The following LCP2 variants were observed in gnomAD, a reference collection of about 807,000 sequenced individuals.
The protein encoded by LCP2 is 76 kDa tyrosine phosphoprotein.
LCP2 carries 29 observed loss-of-function variants against 74.5 expected under a neutral mutation model. The observed-to-expected ratio is 0.39, with a 90% confidence interval of 0.29 to 0.53. The LOEUF (loss-of-function observed/expected upper bound fraction) is 0.53, where lower values mean the gene tolerates loss of function less well. Ranked by LOEUF, LCP2 falls within the 20% of genes least tolerant of loss-of-function variation. LCP2 has a pLI of 0.72. For missense variants in LCP2, 604 were observed against 634.6 expected (o/e 0.95, Z 0.52); for synonymous variants, 228 against 229.5 (o/e 0.99, Z 0.06).
intron 3 of LCP2, among the ~76,000 whole-genome samples, chr5:170,277,427 C>A (rs1161073442): frequency 5.3e-5 from 8 of 152,156 alleles, no homozygotes; most frequent in Non-Finnish European, 4.4e-5. Context: ...ACCTCCCCTG[C>A]CCCTCAACTC....
intron 3 of LCP2, among the ~76,000 whole-genome samples, chr5:170,285,917 C>T (rs1762175937): frequency 6.6e-6 from 1 of 152,210 alleles, no homozygotes; most frequent in Admixed American, 6.5e-5. Context: ...AGTCGTCCAC[C>T]AGACCCAGCA....
chr5:170,259,487 G>A (rs988791078), intron 14 of LCP2, among the ~76,000 whole-genome samples: 11 of 152,180 alleles, frequency 7.2e-5, no homozygotes, highest in African/African-American at 2.2e-4. Context: ...ACAAGGGAGG[G>A]GCTATTTTCT....
chr5:170,256,631 AG>A lies in LCP2; in HGVS notation c.1101-57del. ...TTGGATTGGGGTGATGGGGCCAGAC[AG>A]GGGAGCTGGGTTAGGGAAGCCAGGC... On this transcript the variant is annotated intron_variant, in intron 16 of 20. Transcript: ENST00000046794. The surrounding 1 kb of genome is among the most constrained non-coding windows in gnomAD (Gnocchi z 4.5). 3 of 1,293,002 alleles carry A rather than the reference AG, an allele frequency of 2.3e-6. No individual in the cohort carries two copies. Among genetic ancestry groups the A allele is most frequent in the Non-Finnish European group, 3.4e-6 (3 of 888,072 alleles). 80.1% of individuals were successfully genotyped at this position (1,293,002 alleles called of 1,614,324 possible).
At chr5:170,263,779 G>C (rs1761702388) in intron 10 of LCP2, among the ~76,000 whole-genome samples, 1 of 152,182 alleles carries the variant, frequency 6.6e-6, no homozygotes, top group Non-Finnish European at 1.5e-5. Context: ...ACATGACCAA[G>C]AACAAGTTAT....
chr5:170,282,286 C>A (rs1374440949), intron 3 of LCP2, among the ~76,000 whole-genome samples: 2 of 152,154 alleles, frequency 1.3e-5, no homozygotes, highest in South Asian at 4.1e-4. Flanking sequence ...TTTCCAAAGG[C>A]CTTTGGGGTA....
At position 170,253,187 on chromosome 5, in the gene LCP2, C is replaced by T. The variant is rs779422110; in HGVS notation, c.1177G>A (p.Ala393Thr). 2 of 1,609,994 alleles carry T rather than the reference C, an allele frequency of 1.2e-6. No homozygotes were observed. Among genetic ancestry groups the T allele is most frequent in the South Asian group, 2.2e-5 (2 of 90,042 alleles). The change falls in exon 18 of 21, where the codon GCC becomes ACC. Residue 393 changes from alanine (A) to threonine (T), a missense_variant. Physicochemically the swap from Ala to Thr is moderately conservative, Grantham distance 58. Coordinates refer to ENST00000046794, the MANE Select transcript of LCP2 (RefSeq NM_005565.5). ...QGPSNRPPIR[A>T]EGRNFPLPLP... ...GGCAAGGGGAAGTTTCTGCCTTCGGCTCTGATAGGTGGTCTGTTGCTAGGG... is the reference window on the plus strand; with the variant it reads ...GGCAAGGGGAAGTTTCTGCCTTCGGTTCTGATAGGTGGTCTGTTGCTAGGG...
chr5:170,294,336 G>A (rs981071738), intron 1 of LCP2, among the ~76,000 whole-genome samples: 10 of 152,114 alleles, frequency 6.6e-5, no homozygotes, highest in Non-Finnish European at 2.9e-5. Flanking sequence ...CCTCAGAACC[G>A]AGTTATATAG....
At chr5:170,281,088 G>T (rs1762092125) in intron 3 of LCP2, among the ~76,000 whole-genome samples, 3 of 152,144 alleles carry the variant, frequency 2.0e-5, no homozygotes, top group African/African-American at 7.2e-5. Flanking sequence ...TATGGGGAGA[G>T]GAGGCTTCAC....
chr5:170,258,237 G>T (rs948599701), intron 15 of LCP2, 71 bp from the exon 16 acceptor site: 18 of 1,528,168 alleles, frequency 1.2e-5, no homozygotes, highest in Non-Finnish European at 1.5e-5. Flanking sequence ...TTCCATAACC[G>T]CCCCCCAGTT....
intron 3 of LCP2, among the ~76,000 whole-genome samples, chr5:170,286,660 G>A (rs985683095): frequency 5.3e-5 from 8 of 152,154 alleles, no homozygotes; most frequent in Admixed American, 3.3e-4. Context: ...TCAACAATAC[G>A]TGTCCCTGGA....
At chr5:170,267,211 T>C (rs1761781473) in intron 8 of LCP2, 136 bp from the exon 9 acceptor site, 1 of 850,480 alleles carries the variant, frequency 1.2e-6, no homozygotes, top group East Asian at 2.5e-5. Flanking sequence ...ATTTCTTCAC[T>C]GAACTACCGC....
chr5:170,284,829 C>T (rs1345344482), intron 3 of LCP2, among the ~76,000 whole-genome samples: 1 of 151,118 alleles, frequency 6.6e-6, no homozygotes, highest in African/African-American at 2.4e-5. Context: ...CAGCTCACTG[C>T]AGCCTCCACC....
At chr5:170,296,426 C>T (rs1027797085) in intron 1 of LCP2, among the ~76,000 whole-genome samples, 2 of 152,172 alleles carry the variant, frequency 1.3e-5, no homozygotes, top group African/African-American at 4.8e-5. Context: ...ATGCATAGAC[C>T]CCAGGTTTGG....
At chr5:170,288,094 G>T in intron 2 of LCP2, 78 bp from the exon 3 acceptor site, 1 of 1,431,188 alleles carries the variant, frequency 7.0e-7, no homozygotes, top group Non-Finnish European at 9.8e-7. Context: ...AGTGATACGT[G>T]AAACAATATA....
chr5:170,286,795 A>G (rs1762190005), intron 3 of LCP2, among the ~76,000 whole-genome samples: 1 of 152,148 alleles, frequency 6.6e-6, no homozygotes, highest in Non-Finnish European at 1.5e-5. Flanking sequence ...CTACCTATTC[A>G]TGAGATCTCC....
chr5:170,253,293 C>T, intron 17 of LCP2, 80 bp from the exon 18 acceptor site: 2 of 921,372 alleles, frequency 2.2e-6, no homozygotes, highest in Non-Finnish European at 3.3e-6. Context: ...CACATTCCCC[C>T]CACTCCCCCA....
intron 3 of LCP2, among the ~76,000 whole-genome samples, chr5:170,277,524 G>A (rs1762027259): frequency 6.6e-6 from 1 of 151,970 alleles, no homozygotes; most frequent in African/African-American, 2.4e-5. Flanking sequence ...GAGGTGAGCA[G>A]ATCACTGAGG....
rs1392860216 is a variant in LCP2, at chr5:170,266,834, G to A, written c.746C>T (p.Pro249Leu). Residue 249 changes from proline to leucine, a missense_variant, in exon 10 of 21, where the codon CCG becomes CTG. Pro to Leu is a moderately conservative substitution (Grantham distance 98). Transcript: ENST00000046794. Reference protein sequence around the residue: ...TKPPLDRSLAPFDREPFTLGK... With the variant: ...TKPPLDRSLALFDREPFTLGK... ...TAGTGTGAAGGGTTCTCTATCAAAC[G>A]GAGCTAATGAACGATCTAGGGGAGG... 1.2e-6 allele frequency: 2 copies of A among 1,613,712 alleles called. No individual in the cohort carries two copies. The highest frequency in any genetic ancestry group is 1.7e-6 in the Non-Finnish European group (2 of 1,179,770).
chr5:170,280,872 G>A (rs59390697), intron 3 of LCP2, among the ~76,000 whole-genome samples: 191 of 152,148 alleles, frequency 1.3e-3, no homozygotes, highest in African/African-American at 4.5e-3. Flanking sequence ...GCCAGGCATG[G>A]TGATGCCTGT....
Sources: allele counts gnomAD v4.1 joint callset (sites outside exome capture counted in the v4.1 genomes callset), GRCh38; gene constraint gnomAD v4.1.1; non-coding constraint Gnocchi (gnomAD v3.1); transcripts MANE v1.5; gene names NCBI Gene and HGNC (gene_info 2026-07-23, HGNC 2026-07-21).